DTD1: variants seen among roughly 807,000 people sequenced by gnomAD.
DTD1 encodes the protein D-aminoacyl-tRNA deacylase 1, also known as D-tyrosyl-tRNA deacylase 1 homolog.
A neutral mutation model predicts 25.6 loss-of-function variants in DTD1; 13 were observed. The observed-to-expected ratio is 0.51, with a 90% CI of 0.33 to 0.81. The LOEUF (loss-of-function observed/expected upper bound fraction) is 0.81. Among genes scored for constraint, DTD1 ranks in the 30% least tolerant of loss-of-function variants. The pLI, the probability that DTD1 is intolerant of heterozygous loss-of-function variation, is 0.02. For synonymous variants in DTD1, 110 were observed against 103.6 expected, an observed-to-expected ratio of 1.06 and a Z score of -0.37; for missense variants, 193 against 266.4, an observed-to-expected ratio of 0.72 and a Z score of 1.92.
At chr20:18,684,165 A>G (rs1418684451) in intron 4 of DTD1, among the ~76,000 whole-genome samples, 1 of 152,138 alleles carries the variant, frequency 6.6e-6, no homozygotes, top group Non-Finnish European at 1.5e-5. Context: ...TCCTGTCTGG[A>G]AAGATCCACC....
chr20:18,665,861 A>G (rs1389895969), intron 4 of DTD1, among the ~76,000 whole-genome samples: 1 of 152,202 alleles, frequency 6.6e-6, no homozygotes, highest in Non-Finnish European at 1.5e-5. Flanking sequence ...ATTTACAGAA[A>G]AGTTGCAAAA....
intron 5 of DTD1, among the ~76,000 whole-genome samples, chr20:18,762,270 A>G (rs1600228665): frequency 6.6e-6 from 1 of 152,220 alleles, no homozygotes; most frequent in African/African-American, 2.4e-5. Context: ...AGTCCATCCA[A>G]TTAGAATCTA....
rs534820836 is a variant in DTD1, at chr20:18,757,406, G to A, written c.*20-5954G>A. Among the ~76,000 whole-genome samples, 9 of 152,258 alleles carry A rather than the reference G, an allele frequency of 5.9e-5. No individual in the cohort carries two copies. The South Asian group carries it at 1.9e-3, about 32-fold the overall frequency. On this transcript the variant is annotated intron_variant, in intron 5 of 5. Transcript: ENST00000377452. ...CCATTCAGTATGATATTAGCTGTGG[G>A]TTTGTCATAGATAGCTCTTATTATT...
intron 3 of DTD1, among the ~76,000 whole-genome samples, chr20:18,605,840 G>C (rs1251435252): frequency 1.0e-4 from 15 of 147,752 alleles, no homozygotes; most frequent in African/African-American, 3.8e-4. Flanking sequence ...GAAAACCTAG[G>C]CATTACCATT....
At chr20:18,615,129 A>G (rs1224553846) in intron 3 of DTD1, among the ~76,000 whole-genome samples, 1 of 151,886 alleles carries the variant, frequency 6.6e-6, no homozygotes, top group Non-Finnish European at 1.5e-5. Context: ...GCACAGCCTC[A>G]CTTCTGTCAT....
chr20:18,592,860 T>G (rs1008555903), intron 1 of DTD1, among the ~76,000 whole-genome samples: 1 of 151,956 alleles, frequency 6.6e-6, no homozygotes, highest in African/African-American at 2.4e-5. Context: ...TTTTTGTATT[T>G]TTATTAGAGA....
intron 4 of DTD1, among the ~76,000 whole-genome samples, chr20:18,670,329 G>C (rs1396616842): frequency 6.6e-6 from 1 of 152,162 alleles, no homozygotes; most frequent in Non-Finnish European, 1.5e-5. Context: ...GGTAGTGCAC[G>C]CCTGTAATCC....
At chr20:18,593,026 A>G (rs1023611721) in intron 1 of DTD1, among the ~76,000 whole-genome samples, 1 of 152,120 alleles carries the variant, frequency 6.6e-6, no homozygotes, top group Non-Finnish European at 1.5e-5. Context: ...GTCTAGTGGT[A>G]GTAGGGCATA....
intron 4 of DTD1, among the ~76,000 whole-genome samples, chr20:18,644,410 G>A (rs16979446): frequency 0.029 from 4,449 of 152,234 alleles, 108 homozygotes; most frequent in African/African-American, 0.05. Context: ...TAACGATAAA[G>A]TTGCCTCAAA....
intron 5 of DTD1, among the ~76,000 whole-genome samples, chr20:18,762,186 A>G (rs141443485): frequency 3.3e-5 from 5 of 152,334 alleles, no homozygotes; most frequent in Non-Finnish European, 5.9e-5. Flanking sequence ...CACTGAGTGT[A>G]TCAGGAAGCA....
chr20:18,660,193 C>T (rs906234034), intron 4 of DTD1, among the ~76,000 whole-genome samples: 3 of 152,078 alleles, frequency 2.0e-5, no homozygotes, highest in Admixed American at 1.3e-4. Context: ...GGAGCCAGAG[C>T]GAGACTCCGT....
chr20:18,614,968 C>T (rs73900458), intron 3 of DTD1, among the ~76,000 whole-genome samples: 1,710 of 152,272 alleles, frequency 0.011, 28 homozygotes, highest in African/African-American at 0.032. Flanking sequence ...CCTTGGCCTC[C>T]CCACGTTGCT....
rs181015514 is a variant in DTD1, at chr20:18,658,729, T to A, written c.477+30496T>A. 1.8e-3 allele frequency among the ~76,000 whole-genome samples: 269 copies of A among 152,336 alleles called. 1 individual carries two copies. The highest frequency in any genetic ancestry group is 6.0e-3 in the African/African-American group (251 of 41,578). On this transcript the variant is annotated intron_variant, in intron 4 of 5. Transcript: ENST00000377452. ...TGGTTAAACATGACTGACATATAAATGTTTATCTGTTTCACAGAGTCAGTC... is the reference window on the plus strand; with the variant it reads ...TGGTTAAACATGACTGACATATAAAAGTTTATCTGTTTCACAGAGTCAGTC...
chr20:18,615,818 G>A (rs1466177099), intron 3 of DTD1, among the ~76,000 whole-genome samples: 2 of 152,156 alleles, frequency 1.3e-5, no homozygotes, highest in African/African-American at 2.4e-5. Context: ...GTTTATGACC[G>A]CTTCTGCTCT....
chr20:18,596,117 C>G lies in DTD1; in HGVS notation c.246C>G (p.Leu82=). The G allele has an allele frequency of 1.9e-6, 3 of 1,614,176 alleles. No homozygotes were observed. The South Asian group carries it at 3.3e-5, about 18-fold the overall frequency. The part of the protein sequence containing the change: ...YEILCVSQFT[L]QCVLKGNKPD... Reference sequence around the variant, plus strand: ...TTCTGTGTGTCAGCCAGTTTACCCTCCAGTGTGTCCTGAAGGGAAACAAGC... The same window carrying G: ...TTCTGTGTGTCAGCCAGTTTACCCTGCAGTGTGTCCTGAAGGGAAACAAGC... The change falls in exon 3 of 6, where the codon CTC becomes CTG. Residue 82 remains leucine (L), a synonymous_variant. Transcript: ENST00000377452.
chr20:18,698,633 T>A (rs1226148534), intron 4 of DTD1: 4 of 152,254 alleles, frequency 2.6e-5, no homozygotes, highest in Admixed American at 6.5e-5. Context: ...TGGTCATCCA[T>A]GTCCAGCCCT....
chr20:18,687,669 C>T (rs2061022483), intron 4 of DTD1, among the ~76,000 whole-genome samples: 2 of 152,154 alleles, frequency 1.3e-5, no homozygotes, highest in South Asian at 2.1e-4. Context: ...ATCCTCCTAC[C>T]TCGGCCTCTG....
chr20:18,666,695 T>G (rs1312069185), intron 4 of DTD1, among the ~76,000 whole-genome samples: 1 of 152,234 alleles, frequency 6.6e-6, no homozygotes, highest in Non-Finnish European at 1.5e-5. Context: ...CTTCCTACTT[T>G]CTGTCATCCT....
intron 3 of DTD1, among the ~76,000 whole-genome samples, chr20:18,620,524 T>C (rs2060729433): frequency 6.6e-6 from 1 of 152,224 alleles, no homozygotes; most frequent in South Asian, 2.1e-4. Context: ...TTTAACTCTT[T>C]TGTATTTCAT....
Sources: allele counts gnomAD v4.1 joint callset (sites outside exome capture counted in the v4.1 genomes callset), GRCh38; gene constraint gnomAD v4.1.1; transcripts MANE v1.5; gene names NCBI Gene and HGNC (gene_info 2026-07-23, HGNC 2026-07-21).